UGT2A2: variants seen among roughly 807,000 people sequenced by gnomAD.
UGT2A2 encodes UDP glucuronosyltransferase family 2 member A2.
A neutral mutation model predicts 50.7 loss-of-function variants in UGT2A2; 60 were observed. The ratio of observed to expected loss-of-function variants is 1.18; its 90% confidence interval spans 0.96 to 1.47. The LOEUF (loss-of-function observed/expected upper bound fraction) is 1.47, where lower values mean the gene tolerates loss of function less well. UGT2A2 is among the 40% of genes most tolerant of loss of function. The probability of loss-of-function intolerance (pLI) is 0.00; values close to 1 mark genes in which losing one functional copy is unlikely to be tolerated. For missense variants in UGT2A2, 762 were observed against 634.0 expected, an observed-to-expected ratio of 1.20 and a Z score of -2.17; for synonymous variants, 242 against 214.6, an observed-to-expected ratio of 1.13 and a Z score of -1.11.
chr4:69,634,152 G>C (rs1721544781), intron 1 of UGT2A2, among the ~76,000 whole-genome samples: 1 of 152,112 alleles, frequency 6.6e-6, no homozygotes. Context: ...GGCTGAGGCA[G>C]GAGAATGGCG....
intron 1 of UGT2A2, among the ~76,000 whole-genome samples, chr4:69,611,281 C>CGCGCCCG: frequency 9.9e-6 from 1 of 101,070 alleles, no homozygotes; most frequent in Middle Eastern, 5.9e-3. Context: ...AGTAGGTCAC[C>CGCGCCCG]TCCAAGTCCA....
At chr4:69,598,205 T>C (rs1400963511) in intron 2 of UGT2A2, among the ~76,000 whole-genome samples, 2 of 152,180 alleles carry the variant, frequency 1.3e-5, no homozygotes, top group Non-Finnish European at 2.9e-5. Context: ...TTTAGAATCC[T>C]GAAATAAAAT....
At chr4:69,598,747 G>T (rs188091832) in intron 2 of UGT2A2, among the ~76,000 whole-genome samples, 1 of 151,786 alleles carries the variant, frequency 6.6e-6, no homozygotes, top group African/African-American at 2.4e-5. Flanking sequence ...ACAGTAGATG[G>T]CACAACTGTC....
chr4:69,620,361 G>A (rs1020297582), intron 1 of UGT2A2, among the ~76,000 whole-genome samples: 5 of 132,464 alleles, frequency 3.8e-5, no homozygotes, highest in Non-Finnish European at 6.7e-5. Flanking sequence ...ACCAAATCAG[G>A]AAGGCAATCC....
intron 1 of UGT2A2, among the ~76,000 whole-genome samples, chr4:69,618,218 T>C (rs1422443715): frequency 3.4e-5 from 3 of 88,806 alleles, no homozygotes; most frequent in Non-Finnish European, 7.5e-5. Context: ...TGTGTGTGTA[T>C]GTTTGTGTGT....
chr4:69,618,221 T>TTGTGTGTGTGTG (rs112693693), intron 1 of UGT2A2, among the ~76,000 whole-genome samples: 34 of 144,726 alleles, frequency 2.3e-4, no homozygotes, highest in South Asian at 8.9e-4. Flanking sequence ...GTGTGTATGT[T>TTGTGTGTGTGTG]TGTGTGTGTG....
rs566599434 is a variant in UGT2A2 at position 69,608,069 on chromosome 4, C to G, written c.743-8675G>C. Among the ~76,000 whole-genome samples the G allele has an allele frequency of 7.3e-3, 1,114 of 152,158 alleles. 10 individuals are homozygous for G. Among genetic ancestry groups the G allele is most frequent in the Non-Finnish European group, 0.013 (874 of 67,988 alleles). On this transcript the variant is annotated intron_variant, in intron 1 of 5. Transcript: ENST00000604629. ...ATTTGATCCAGCCATCCCATTACTGCGTATATACCCAAAGGATCATAAATC... is the reference window on the plus strand; with the variant it reads ...ATTTGATCCAGCCATCCCATTACTGGGTATATACCCAAAGGATCATAAATC...
chr4:69,611,124 A>C (rs1720012834), intron 1 of UGT2A2, among the ~76,000 whole-genome samples: 1 of 151,634 alleles, frequency 6.6e-6, no homozygotes, highest in Admixed American at 6.6e-5. Context: ...AAAAAAAGAA[A>C]TCTACTGTTT....
chr4:69,595,172 A>G lies in UGT2A2; in HGVS notation c.1101T>C (p.Asn367=), dbSNP rs770409123. The G allele has an allele frequency of 2.5e-6, 4 of 1,613,734 alleles. No individual in the cohort carries two copies. The highest frequency in any genetic ancestry group is 3.3e-5 in the Admixed American group (2 of 59,978). The change falls in exon 4 of 6, where the codon AAT becomes AAC. Residue 367 remains asparagine, a synonymous_variant. Coordinates refer to ENST00000604629, the MANE Select transcript of UGT2A2 (RefSeq NM_001105677.2). Reference sequence around the variant, plus strand: ...TCCCCACAGTCTTACCAAGAAGATCATTCTGGGGTATCCAATCAAAGAGCT... The same window carrying G: ...TCCCCACAGTCTTACCAAGAAGATCGTTCTGGGGTATCCAATCAAAGAGCT... ...NTQLFDWIPQ[N]DLLGHPKTKA...
intron 5 of UGT2A2, among the ~76,000 whole-genome samples, chr4:69,591,724 A>T (rs1718608116): frequency 6.6e-6 from 1 of 152,110 alleles, no homozygotes; most frequent in Admixed American, 6.6e-5. Flanking sequence ...TTTTTGGTTT[A>T]CAGTTTTCAA....
At chr4:69,591,315 A>G (rs933812482) in intron 5 of UGT2A2, among the ~76,000 whole-genome samples, 4 of 152,204 alleles carry the variant, frequency 2.6e-5, no homozygotes, top group African/African-American at 9.6e-5. Flanking sequence ...TTTAAGAAAT[A>G]CATTGGTTTG....
intron 1 of UGT2A2, among the ~76,000 whole-genome samples, chr4:69,625,660 G>A (rs1049497640): frequency 6.7e-6 from 1 of 150,022 alleles, no homozygotes; most frequent in African/African-American, 2.4e-5. Context: ...TGTTCTTTTG[G>A]CCATACCCTA....
intron 5 of UGT2A2, among the ~76,000 whole-genome samples, chr4:69,591,637 C>T (rs1406944088): frequency 2.0e-5 from 3 of 152,080 alleles, no homozygotes; most frequent in Admixed American, 6.5e-5. Flanking sequence ...GAAACAGACT[C>T]TCAGGTTAAA....
chr4:69,620,014 C>A (rs1720650773), intron 1 of UGT2A2, among the ~76,000 whole-genome samples: 1 of 151,874 alleles, frequency 6.6e-6, no homozygotes, highest in East Asian at 1.9e-4. Flanking sequence ...TATGACAAAC[C>A]CCCAGCCAAC....
chr4:69,599,543 G>C, intron 1 of UGT2A2, 149 bp from the exon 2 acceptor site: 1 of 1,128,900 alleles, frequency 8.9e-7, no homozygotes, highest in Non-Finnish European at 1.2e-6. Flanking sequence ...ATATTAAGAA[G>C]AAGGAGAAAT....
rs552469106 is a variant in UGT2A2 at position 69,589,271 on chromosome 4, G to A, written c.*101C>T. 90 of 1,366,626 alleles carry A rather than the reference G, an allele frequency of 6.6e-5. No homozygotes were observed. In the African/African-American group the frequency reaches 1.3e-3, roughly 19 times the overall value. The allele number at this position is 1,366,626 out of a possible 1,614,324, so 84.7% of individuals were successfully genotyped here. ...TAGAAAATTTGGAAACAGGATGGGA[G>A]ACGTGTTTTTGTTAAACTCCTTTTG... is the stretch of plus-strand genomic sequence containing the variant. On this transcript the variant is annotated 3_prime_UTR_variant, in exon 6 of 6. Coordinates refer to ENST00000604629, the MANE Select transcript of UGT2A2 (RefSeq NM_001105677.2).
In UGT2A2 at chr4:69,639,374, C is replaced by T. The variant is rs551083221; in HGVS notation, c.267G>A (p.Lys89=). 12 of 1,613,610 alleles carry T rather than the reference C, an allele frequency of 7.4e-6. No homozygotes were observed. In the East Asian group the frequency reaches 1.6e-4, roughly 21 times the overall value. The change falls in exon 1 of 6, where the codon AAG becomes AAA. Residue 89 remains lysine (K), a synonymous_variant. Transcript: ENST00000604629. ...GCTCAATTAAGGAATCTATATTGCT[C>T]TTCTTGTAGGAAACAGGTATCACTT... is the stretch of plus-strand genomic sequence containing the variant. ...NFEVIPVSYK[K]SNIDSLIEHM... is the part of the protein sequence containing the mutation.
chr4:69,589,563 C>T lies in UGT2A2; in HGVS notation c.1420G>A (p.Val474Ile), dbSNP rs1577936080. ...TGCTTGGCTCCTTTGTGGCGCATGA[C>T]AAACTCGATCCAGAAGACTGCTCGA... ...LDRAVFWIEFVMRHKGAKHLR... is the reference protein window; with the variant it reads ...LDRAVFWIEFIMRHKGAKHLR... The change falls in exon 6 of 6, where the codon GTC becomes ATC. Residue 474 changes from valine (V) to isoleucine (I), a missense_variant. Transcript: ENST00000604629. The T allele has an allele frequency of 1.2e-6, 2 of 1,614,056 alleles. No homozygotes were observed. Among genetic ancestry groups the T allele is most frequent in the East Asian group, 4.5e-5 (2 of 44,882 alleles).
chr4:69,596,475 T>A (rs1718940507), intron 2 of UGT2A2, 94 bp from the exon 3 acceptor site: 1 of 1,359,966 alleles, frequency 7.4e-7, no homozygotes, highest in African/African-American at 1.5e-5. Flanking sequence ...TTAAGATATA[T>A]GTCAGAGAAA....
Sources: allele counts gnomAD v4.1 joint callset (sites outside exome capture counted in the v4.1 genomes callset), GRCh38; gene constraint gnomAD v4.1.1; transcripts MANE v1.5; gene names NCBI Gene and HGNC (gene_info 2026-07-23, HGNC 2026-07-21).